Variants in ROBO2 observed in about 807,000 individuals in gnomAD.
ROBO2 encodes the protein roundabout guidance receptor 2.
Under a neutral mutation model 160.8 loss-of-function variants are expected in ROBO2, and 53 were observed. The ratio of observed to expected loss-of-function variants is 0.33; its 90% CI spans 0.26 to 0.41. The LOEUF (loss-of-function observed/expected upper bound fraction) is 0.41, where lower values mean the gene tolerates loss of function less well. Ranked by LOEUF, ROBO2 falls within the 10% of genes least tolerant of loss-of-function variation. The pLI, the probability that ROBO2 is intolerant of heterozygous loss-of-function variation, is 1.00. For synonymous variants in ROBO2, 664 were observed against 611.7 expected (o/e 1.09, Z -1.26); for missense variants, 1,577 against 1,722.4 (o/e 0.92, Z 1.49).
intron 2 of ROBO2, among the ~76,000 whole-genome samples, chr3:77,452,578 C>A (rs1044100457): frequency 2.6e-5 from 4 of 151,956 alleles, no homozygotes; most frequent in South Asian, 2.1e-4. Context: ...TATAATAATA[C>A]GTAATTTTGC....
chr3:77,558,627 G>A (rs2093214472), intron 9 of ROBO2, among the ~76,000 whole-genome samples: 1 of 151,970 alleles, frequency 6.6e-6, no homozygotes, highest in Admixed American at 6.6e-5. Context: ...TTAGGTTGTA[G>A]GTTAAGTTGT....
chr3:77,181,340 G>C (rs972237250), intron 2 of ROBO2, among the ~76,000 whole-genome samples: 1 of 151,788 alleles, frequency 6.6e-6, no homozygotes, highest in East Asian at 2.0e-4. Context: ...TGCTTCCAGG[G>C]GAAGCTCATT....
intron 2 of ROBO2, among the ~76,000 whole-genome samples, chr3:76,131,906 A>T (rs994201774): frequency 1.3e-5 from 2 of 152,128 alleles, no homozygotes; most frequent in African/African-American, 2.4e-5. Flanking sequence ...GATTAGAGTG[A>T]CTCAAATTAG....
At chr3:76,678,811 C>T (rs980973915) in intron 2 of ROBO2, among the ~76,000 whole-genome samples, 6 of 151,990 alleles carry the variant, frequency 3.9e-5, no homozygotes, top group African/African-American at 7.2e-5. Flanking sequence ...TAGTTAGTTT[C>T]GTTATCCATA....
intron 1 of ROBO2, among the ~76,000 whole-genome samples, chr3:77,095,770 T>G (rs927719454): frequency 6.6e-6 from 1 of 152,196 alleles, no homozygotes; most frequent in African/African-American, 2.4e-5. Flanking sequence ...TTTGGGGTCT[T>G]TCTTGATTAT....
rs376823667 is a variant in ROBO2, at chr3:76,707,731, G to GTGTA, written c.110-390282_110-390281insGTAT. On this transcript the variant is annotated intron_variant, in intron 2 of 26. Coordinates refer to the ROBO2 transcript ENST00000487694. ...CACACACATTAGAATACATGTGTGT[G>GTGTA]TATATATATATATATATATATATAT... is the stretch of plus-strand genomic sequence containing the variant. 7.3e-4 allele frequency among the ~76,000 whole-genome samples: 98 copies of GTGTA among 134,208 alleles called. 1 individual carries two copies. The South Asian group carries it at 0.014, about 20-fold the overall frequency. 88.0% of individuals were successfully genotyped at this position (134,208 alleles called of 152,430 possible). A position where few individuals can be genotyped will look rare whatever the true frequency, so the allele number is the denominator to read the frequency against.
chr3:76,599,810 G>A (rs1205588069), intron 2 of ROBO2, among the ~76,000 whole-genome samples: 1 of 152,152 alleles, frequency 6.6e-6, no homozygotes, highest in Non-Finnish European at 1.5e-5. Context: ...GTGATGTTGA[G>A]CTTTTTTTCA....
intron 2 of ROBO2, among the ~76,000 whole-genome samples, chr3:76,289,785 G>T (rs1708713666): frequency 6.6e-6 from 1 of 151,914 alleles, no homozygotes; most frequent in Non-Finnish European, 1.5e-5. Flanking sequence ...GATTTTGTTG[G>T]AGATCAGATG....
At chr3:77,010,974 T>C (rs1424016112) in intron 2 of ROBO2, among the ~76,000 whole-genome samples, 2 of 150,490 alleles carry the variant, frequency 1.3e-5, no homozygotes, top group Admixed American at 6.6e-5. Context: ...TCTGTATTGC[T>C]TTTCCTTCCT....
At chr3:77,317,142 G>T in intron 2 of ROBO2, 3 of 1,097,302 alleles carry the variant, frequency 2.7e-6, no homozygotes, top group Admixed American at 1.7e-5. Flanking sequence ...GTCTCAAAAC[G>T]CATCTGGTAC....
chr3:77,002,360 A>G (rs1313402836), intron 2 of ROBO2, among the ~76,000 whole-genome samples: 1 of 151,694 alleles, frequency 6.6e-6, no homozygotes, highest in Non-Finnish European at 1.5e-5. Flanking sequence ...CTTAAGGATG[A>G]CTCTGGCTAT....
intron 2 of ROBO2, among the ~76,000 whole-genome samples, chr3:76,272,200 G>A (rs922592923): frequency 6.6e-6 from 1 of 152,070 alleles, no homozygotes; most frequent in Non-Finnish European, 1.5e-5. Flanking sequence ...ATGTAAAGTA[G>A]CGCTTGTCAA....
chr3:76,231,114 T>A (rs1235887474), intron 2 of ROBO2, among the ~76,000 whole-genome samples: 2 of 152,204 alleles, frequency 1.3e-5, no homozygotes, highest in Non-Finnish European at 2.9e-5. Context: ...TTCTGTTGTT[T>A]GAGGCTACCC....
At chr3:77,271,272 T>G (rs952573674) in intron 2 of ROBO2, among the ~76,000 whole-genome samples, 4 of 152,224 alleles carry the variant, frequency 2.6e-5, no homozygotes, top group African/African-American at 9.7e-5. Context: ...CTGAGGATTT[T>G]TCATGTTTTT....
intron 2 of ROBO2, among the ~76,000 whole-genome samples, chr3:76,665,517 C>T (rs2091984664): frequency 6.6e-6 from 1 of 151,792 alleles, no homozygotes; most frequent in Admixed American, 6.6e-5. Flanking sequence ...CTCCTACATC[C>T]ATCCTCACTA....
intron 2 of ROBO2, among the ~76,000 whole-genome samples, chr3:76,145,608 A>G (rs2071855138): frequency 1.3e-5 from 2 of 152,076 alleles, no homozygotes; most frequent in South Asian, 2.1e-4. Context: ...AGGATTATCT[A>G]TATCTATGTA....
chr3:77,344,104 A>G (rs2067360998), intron 2 of ROBO2, among the ~76,000 whole-genome samples: 1 of 152,154 alleles, frequency 6.6e-6, no homozygotes, highest in East Asian at 1.9e-4. Context: ...ACCTTGATAT[A>G]GCAGGATGGG....
intron 2 of ROBO2, 35 bp downstream of exon 2, chr3:77,098,375 A>C: frequency 1.2e-6 from 2 of 1,602,192 alleles, no homozygotes; most frequent in Non-Finnish European, 1.7e-6. Flanking sequence ...GTGCACATTT[A>C]CTTTTATTTA....
chr3:76,628,589 T>C (rs879937673), intron 2 of ROBO2, among the ~76,000 whole-genome samples: 2 of 152,120 alleles, frequency 1.3e-5, no homozygotes, highest in Non-Finnish European at 2.9e-5. Flanking sequence ...ACCTACTATC[T>C]CATTTCATGC....
Sources: gnomAD v4.1 joint callset for allele counts (sites outside exome capture counted in the v4.1 genomes callset) on GRCh38, gnomAD v4.1.1 for gene constraint, MANE v1.5 for transcripts, NCBI Gene and HGNC (gene_info 2026-07-23, HGNC 2026-07-21) for gene names.